ADGB: variants seen among roughly 807,000 people sequenced by gnomAD.
ADGB encodes the protein calpain-7-like protein.
ADGB carries 172 observed loss-of-function variants against 210.5 expected under a neutral mutation model. The observed-to-expected ratio is 0.82, with a 90% CI of 0.72 to 0.93. The LOEUF (loss-of-function observed/expected upper bound fraction) is 0.93. ADGB is among the 40% of genes least tolerant of loss of function. ADGB has a pLI of 0.00. For synonymous variants in ADGB, 658 were observed against 662.7 expected (o/e 0.99, Z 0.11); for missense variants, 2,025 against 1,964.8 (o/e 1.03, Z -0.58).
intron 21 of ADGB, 122 bp from the exon 22 acceptor site, chr6:146,733,771 T>C (rs1385561656): frequency 2.8e-6 from 3 of 1,064,854 alleles, no homozygotes; most frequent in African/African-American, 1.6e-5. Flanking sequence ...ATATTAAATA[T>C]GATGCTAACT....
intron 31 of ADGB, 50 bp downstream of exon 31, chr6:146,784,844 T>A (rs1489101871): frequency 1.3e-6 from 2 of 1,492,276 alleles, no homozygotes; most frequent in Admixed American, 2.4e-5. Context: ...TCCTTAGGCA[T>A]GCTCTGAAAA....
intron 16 of ADGB, among the ~76,000 whole-genome samples, chr6:146,720,472 G>T (rs4896885): frequency 0.8 from 121,806 of 151,804 alleles, 49,349 homozygotes; most frequent in African/African-American, 0.92. Context: ...TTGATTTTAC[G>T]AAGCACTTTA....
At position 146,607,522 on chromosome 6, in the gene ADGB, C is replaced by A. The variant is rs1170298431; in HGVS notation, c.74+8408C>A. Among the ~76,000 whole-genome samples, 3 of 152,096 alleles carry A rather than the reference C, an allele frequency of 2.0e-5. No homozygotes were observed. In the East Asian group the frequency reaches 5.8e-4, roughly 29 times the overall value. ...TTTTGCCCATTCAGTATAACGCTGG[C>A]TGTAGTTTTTCATAAATGGCTCTTA... is the stretch of plus-strand genomic sequence containing the variant. On this transcript the variant is annotated intron_variant, in intron 1 of 35. Transcript: ENST00000397944.
At chr6:146,742,447 G>C (rs909411462) in intron 25 of ADGB, among the ~76,000 whole-genome samples, 7 of 151,450 alleles carry the variant, frequency 4.6e-5, no homozygotes, top group Admixed American at 1.3e-4. Context: ...ATTAAATTTG[G>C]CAAATTTAAC....
intron 33 of ADGB, among the ~76,000 whole-genome samples, chr6:146,792,558 T>C (rs1479781849): frequency 5.3e-5 from 8 of 152,108 alleles, no homozygotes; most frequent in African/African-American, 9.6e-5. Flanking sequence ...TTTTTTTTTT[T>C]ACCCAGAGTC....
chr6:146,803,573 G>GT (rs1778163879), intron 35 of ADGB: 4 of 1,478,170 alleles, frequency 2.7e-6, no homozygotes, highest in Non-Finnish European at 2.8e-6. Context: ...GCAGCCAACT[G>GT]TTTTGGAGAC....
intron 9 of ADGB, among the ~76,000 whole-genome samples, chr6:146,684,489 T>G (rs2114914976): frequency 6.6e-6 from 1 of 152,148 alleles, no homozygotes; most frequent in Admixed American, 6.6e-5. Context: ...TGAGGGCCAT[T>G]CTGGTCAATG....
rs1461442276 is a variant in ADGB, at chr6:146,724,306, C to T, written c.2216C>T (p.Thr739Ile). 1.3e-6 allele frequency: 2 copies of T among 1,543,528 alleles called. No individual in the cohort carries two copies. The highest frequency in any genetic ancestry group is 1.7e-6 in the Non-Finnish European group (2 of 1,144,404). ...ATTCACACATATGCTACCAAGGCTACAGTGGTTCGTCTGCCTGTTGGGTAT... is the reference window on the plus strand; with the variant it reads ...ATTCACACATATGCTACCAAGGCTATAGTGGTTCGTCTGCCTGTTGGGTAT... ...LKIHTYATKA[T>I]VVRLPVGRHM... The change falls in exon 18 of 36, where the codon ACA becomes ATA. Residue 739 changes from threonine to isoleucine, a missense_variant. Physicochemically the swap from Thr to Ile is moderately conservative, Grantham distance 89. Transcript: ENST00000397944.
chr6:146,803,789 TAGAGCGTCCCTCGGCTTCTGGGCCG>T, intron 35 of ADGB: 1 of 578,432 alleles, frequency 1.7e-6, no homozygotes, highest in Non-Finnish European at 3.0e-6. Flanking sequence ...CCCGGCAGCC[TAGAGCGTCCCTCGGCTTCTGGGCCG>T]AGTCCCACTC....
intron 29 of ADGB, among the ~76,000 whole-genome samples, chr6:146,777,855 C>T (rs4896888): frequency 0.47 from 70,944 of 151,954 alleles, 16,933 homozygotes; most frequent in Admixed American, 0.58. Context: ...TTTTAAACTG[C>T]AGATTTCTGT....
At chr6:146,668,295 G>A (rs932906038) in intron 7 of ADGB, among the ~76,000 whole-genome samples, 6 of 152,032 alleles carry the variant, frequency 3.9e-5, no homozygotes, top group African/African-American at 1.4e-4. Flanking sequence ...ACTGGTAATA[G>A]GAAGCTGCAA....
intron 10 of ADGB, among the ~76,000 whole-genome samples, chr6:146,687,678 G>T (rs1458747612): frequency 1.3e-5 from 2 of 151,918 alleles, no homozygotes; most frequent in Non-Finnish European, 2.9e-5. Context: ...CTTAGAGAAT[G>T]GGTCAATAGG....
intron 9 of ADGB, among the ~76,000 whole-genome samples, chr6:146,684,563 A>G (rs1402113795): frequency 6.6e-6 from 1 of 152,126 alleles, no homozygotes; most frequent in Non-Finnish European, 1.5e-5. Context: ...ATAAACATTC[A>G]TTCTTTTTAA....
chr6:146,643,497 T>C (rs17076162), intron 2 of ADGB, among the ~76,000 whole-genome samples: 2,517 of 151,984 alleles, frequency 0.017, 71 homozygotes, highest in African/African-American at 0.056. Flanking sequence ...GGACCTTTAT[T>C]TCCCAGTATC....
intron 1 of ADGB, among the ~76,000 whole-genome samples, chr6:146,606,112 C>G (rs1562253168): frequency 6.6e-6 from 1 of 152,102 alleles, no homozygotes; most frequent in Non-Finnish European, 1.5e-5. Context: ...TTTATAATAT[C>G]CATTCTTAAT....
At chr6:146,794,546 T>C (rs1317964748) in intron 33 of ADGB, among the ~76,000 whole-genome samples, 2 of 152,180 alleles carry the variant, frequency 1.3e-5, no homozygotes, top group Non-Finnish European at 2.9e-5. Flanking sequence ...TTATAACTTC[T>C]AACAAATTAT....
chr6:146,607,362 A>G (rs1232382411), intron 1 of ADGB, among the ~76,000 whole-genome samples: 2 of 152,240 alleles, frequency 1.3e-5, no homozygotes, highest in East Asian at 1.9e-4. Flanking sequence ...GACTTCCTCT[A>G]TTCCTATTTG....
intron 13 of ADGB, among the ~76,000 whole-genome samples, chr6:146,708,416 A>G (rs1776607706): frequency 6.6e-6 from 1 of 151,958 alleles, no homozygotes; most frequent in Non-Finnish European, 1.5e-5. Flanking sequence ...GTGGTGATGA[A>G]TTCCCTCAGC....
At chr6:146,610,735 C>T (rs1017021473) in intron 1 of ADGB, among the ~76,000 whole-genome samples, 2 of 152,106 alleles carry the variant, frequency 1.3e-5, no homozygotes, top group African/African-American at 4.8e-5. Flanking sequence ...AAGATATTCC[C>T]AGTCAGCTGG....
Sources: allele counts gnomAD v4.1 joint callset (sites outside exome capture counted in the v4.1 genomes callset), GRCh38; gene constraint gnomAD v4.1.1; transcripts MANE v1.5; gene names NCBI Gene and HGNC (gene_info 2026-07-23, HGNC 2026-07-21).